NSD1: variants seen among roughly 807,000 people sequenced by gnomAD.
NSD1 encodes the protein histone-lysine N-methyltransferase, H3 lysine-36 specific.
Under a neutral mutation model 242.7 loss-of-function variants are expected in NSD1, and 26 were observed. The ratio of observed to expected loss-of-function variants is 0.11; its 90% CI spans 0.08 to 0.15. The LOEUF is 0.15. Among genes scored for constraint, NSD1 ranks in the 10% least tolerant of loss-of-function variants. NSD1 has a pLI of 1.00. For missense variants in NSD1, 2,495 were observed against 3,272.8 expected (o/e 0.76, Z 5.80); for synonymous variants, 1,106 against 1,178.1 (o/e 0.94, Z 1.25).
intron 3 of NSD1, among the ~76,000 whole-genome samples, chr5:177,195,162 AG>A (rs1174719596): frequency 2.0e-5 from 3 of 152,042 alleles, no homozygotes; most frequent in Non-Finnish European, 4.4e-5. Flanking sequence ...CTGTCTCAAA[AG>A]AAGAAAATAA....
At chr5:177,214,043 T>C (rs547893450) in intron 5 of NSD1, among the ~76,000 whole-genome samples, 2 of 151,944 alleles carry the variant, frequency 1.3e-5, no homozygotes, top group African/African-American at 4.8e-5. Flanking sequence ...TCTTTAACGG[T>C]ATTTACGGCC....
chr5:177,246,606 C>G, intron 9 of NSD1, 72 bp from the exon 10 acceptor site: 1 of 1,047,132 alleles, frequency 9.5e-7, no homozygotes. Context: ...GGTTTTTATT[C>G]TAATAATAGG....
Position 177,246,675 on chromosome 5 carries a change from T to C in NSD1, c.4379-3T>C. On this transcript the variant is annotated splice_polypyrimidine_tract_variant and splice_region_variant and intron_variant, in intron 9 of 22. Coordinates refer to ENST00000439151, the MANE Select transcript of NSD1 (RefSeq NM_022455.5). ...GCAGTTAACACCTATTTTCCTGTCA[T>C]AGGCACTACCAAGATATTTGACAAG... 1.2e-6 allele frequency: 2 copies of C among 1,607,058 alleles called. No individual in the cohort carries two copies. Among genetic ancestry groups the C allele is most frequent in the Non-Finnish European group, 1.7e-6 (2 of 1,173,664 alleles).
chr5:177,243,960 T>G (rs954870246), intron 8 of NSD1, among the ~76,000 whole-genome samples: 1 of 152,194 alleles, frequency 6.6e-6, no homozygotes, highest in Non-Finnish European at 1.5e-5. Flanking sequence ...CCTAACGTGC[T>G]AGGATTACAG....
At chr5:177,287,931 C>G (rs11949435) in intron 20 of NSD1, among the ~76,000 whole-genome samples, 96,632 of 152,164 alleles carry the variant, frequency 0.64, 34,125 homozygotes, top group Non-Finnish European at 0.8. Context: ...AGCAGTCTCA[C>G]TGATAAAAGG....
rs528214571 is a variant in NSD1 at position 177,143,226 on chromosome 5, T to C, written c.927+7196T>C. On this transcript the variant is annotated intron_variant, in intron 2 of 22. Transcript: ENST00000439151. ...TTTTTTTTCTTTTTTCATTTCCTCA[T>C]GTACTCAATTTCTAAGGCTTTTTGA... 3.9e-5 allele frequency among the ~76,000 whole-genome samples: 6 copies of C among 152,308 alleles called. No homozygotes were observed. In the South Asian group the frequency reaches 6.2e-4, roughly 16 times the overall value.
chr5:177,189,155 G>A (rs867038726), intron 2 of NSD1, among the ~76,000 whole-genome samples: 4 of 152,250 alleles, frequency 2.6e-5, no homozygotes, highest in Middle Eastern at 3.4e-3. Context: ...AAAATACTGG[G>A]AGCTGAATTA....
At chr5:177,225,092 A>G (rs1764533340) in intron 5 of NSD1, among the ~76,000 whole-genome samples, 1 of 152,108 alleles carries the variant, frequency 6.6e-6, no homozygotes, top group African/African-American at 2.4e-5. Context: ...ATATTGGTCT[A>G]CAGTTTTCCT....
intron 2 of NSD1, among the ~76,000 whole-genome samples, chr5:177,154,986 G>A (rs1327277432): frequency 6.0e-5 from 9 of 148,794 alleles, no homozygotes; most frequent in African/African-American, 1.7e-4. Flanking sequence ...GTGAGGCACC[G>A]TGCCCGGCAA....
intron 21 of NSD1, among the ~76,000 whole-genome samples, chr5:177,290,997 CTCT>C (rs1186943555): frequency 6.6e-6 from 1 of 152,178 alleles, no homozygotes; most frequent in African/African-American, 2.4e-5. Context: ...TCACTGTGTG[CTCT>C]TAGTAGATAC....
chr5:177,276,827 G>A (rs1232675029), intron 17 of NSD1, among the ~76,000 whole-genome samples: 1 of 151,960 alleles, frequency 6.6e-6, no homozygotes, highest in African/African-American at 2.4e-5. Flanking sequence ...ATTAAAAAAA[G>A]AACAAAACGA....
intron 2 of NSD1, among the ~76,000 whole-genome samples, chr5:177,142,075 AC>A (rs1562108391): frequency 6.6e-6 from 1 of 152,040 alleles, no homozygotes; most frequent in Non-Finnish European, 1.5e-5. Flanking sequence ...CTCAAGTGAT[AC>A]GCCTGCCTCT....
chr5:177,258,542 T>G (rs1428267009), intron 13 of NSD1, among the ~76,000 whole-genome samples: 1 of 139,016 alleles, frequency 7.2e-6, no homozygotes, highest in African/African-American at 2.6e-5. Flanking sequence ...TTTGTTGTTG[T>G]TTTTTTTTTT....
chr5:177,188,736 C>T (rs1001909738), intron 2 of NSD1, among the ~76,000 whole-genome samples: 5 of 151,936 alleles, frequency 3.3e-5, no homozygotes, highest in Non-Finnish European at 5.9e-5. Flanking sequence ...TGGCCTTGAA[C>T]GCCCAGCCTC....
intron 8 of NSD1, among the ~76,000 whole-genome samples, chr5:177,243,082 T>G (rs1040946732): frequency 6.6e-6 from 1 of 152,230 alleles, no homozygotes; most frequent in African/African-American, 2.4e-5. Flanking sequence ...GGAATGTCAT[T>G]CAGTATTTCA....
chr5:177,231,104 G>T (rs552863433), intron 5 of NSD1, among the ~76,000 whole-genome samples: 1 of 152,274 alleles, frequency 6.6e-6, no homozygotes, highest in South Asian at 2.1e-4. Context: ...CCCCCACTTT[G>T]AGACAGGGTT....
rs777542356 is a variant in NSD1, at chr5:177,211,838, G to A, written c.3439G>A (p.Glu1147Lys). The A allele has an allele frequency of 1.9e-6, 3 of 1,614,086 alleles. No homozygotes were observed. The highest frequency in any genetic ancestry group is 2.2e-5 in the East Asian group (1 of 44,888). The change falls in exon 5 of 23, where the codon GAA (glutamate) becomes AAA (lysine). Residue 1147 changes from glutamate to lysine, a missense_variant. By Grantham distance (56) the Glu-to-Lys change is moderately conservative. Coordinates refer to ENST00000439151, the MANE Select transcript of NSD1 (RefSeq NM_022455.5). ...CTCTGTAATGAACAGTGAGAATGAT[G>A]AACTCAATGGTGTAAATCAAGTGGT... ...LDSVMNSEND[E>K]LNGVNQVVPK...
At chr5:177,173,466 C>CTGTTTTTTT (rs1759898098) in intron 2 of NSD1, among the ~76,000 whole-genome samples, 1 of 62,172 alleles carries the variant, frequency 1.6e-5, no homozygotes, top group African/African-American at 7.6e-5. Context: ...TACTATCTGG[C>CTGTTTTTTT]TTTTTTTTTT....
intron 3 of NSD1, among the ~76,000 whole-genome samples, chr5:177,200,481 A>C (rs761940829): frequency 3.9e-5 from 6 of 152,158 alleles, no homozygotes; most frequent in Non-Finnish European, 7.4e-5. Flanking sequence ...CATTAAGTAT[A>C]TTAACATTGT....
Sources: allele counts gnomAD v4.1 joint callset (sites outside exome capture counted in the v4.1 genomes callset), GRCh38; gene constraint gnomAD v4.1.1; transcripts MANE v1.5; gene names NCBI Gene and HGNC (gene_info 2026-07-23, HGNC 2026-07-21).